ASIC2: variants seen among roughly 807,000 people sequenced by gnomAD.
The protein encoded by ASIC2 is acid-sensing ion channel 2.
A neutral mutation model predicts 57.3 loss-of-function variants in ASIC2; 25 were observed. The observed-to-expected ratio is 0.44, with a 90% confidence interval of 0.32 to 0.61. The LOEUF is 0.61. Among genes scored for constraint, ASIC2 ranks in the 20% least tolerant of loss-of-function variants. The pLI is 0.06. For synonymous variants in ASIC2, 319 were observed against 307.5 expected, an observed-to-expected ratio of 1.04 and a Z score of -0.39; for missense variants, 641 against 738.1, an observed-to-expected ratio of 0.87 and a Z score of 1.52.
At chr17:33,611,790 C>T (rs1444107479) in intron 1 of ASIC2, among the ~76,000 whole-genome samples, 4 of 152,226 alleles carry the variant, frequency 2.6e-5, no homozygotes, top group East Asian at 3.9e-4. Context: ...CCAAGGCCAA[C>T]TCAATGGGGT....
chr17:33,220,839 G>A (rs1394777152), intron 1 of ASIC2, among the ~76,000 whole-genome samples: 2 of 152,198 alleles, frequency 1.3e-5, no homozygotes, highest in East Asian at 3.9e-4. Context: ...GGGCCGAGGC[G>A]GGAAAATTGC....
intron 1 of ASIC2, among the ~76,000 whole-genome samples, chr17:33,526,109 G>A (rs1383493383): frequency 6.6e-6 from 1 of 152,196 alleles, no homozygotes; most frequent in Non-Finnish European, 1.5e-5. Flanking sequence ...TGAGCCCTAA[G>A]ATGACAGGAA....
chr17:33,997,847 G>T (rs1220792296), intron 1 of ASIC2, among the ~76,000 whole-genome samples: 1 of 151,916 alleles, frequency 6.6e-6, no homozygotes, highest in African/African-American at 2.4e-5. Flanking sequence ...TTTCTGTAGT[G>T]TTCTTGTTTG....
At chr17:33,397,367 G>T (rs911416941) in intron 1 of ASIC2, among the ~76,000 whole-genome samples, 16 of 152,158 alleles carry the variant, frequency 1.1e-4, no homozygotes, top group African/African-American at 3.6e-4. Flanking sequence ...CCATTTCTTT[G>T]TCTGTCTTAG....
intron 1 of ASIC2, among the ~76,000 whole-genome samples, chr17:33,319,105 C>T (rs1011281477): frequency 5.3e-5 from 8 of 152,222 alleles, no homozygotes; most frequent in African/African-American, 1.9e-4. Context: ...TGGCACATGC[C>T]TGTAGTCCCA....
chr17:34,026,914 C>G (rs1907398756), intron 1 of ASIC2, among the ~76,000 whole-genome samples: 1 of 152,170 alleles, frequency 6.6e-6, no homozygotes, highest in South Asian at 2.1e-4. Flanking sequence ...TTCAGCAACT[C>G]CTTTCTTTCT....
intron 1 of ASIC2, among the ~76,000 whole-genome samples, chr17:34,140,376 T>G (rs949936404): frequency 1.3e-5 from 2 of 152,196 alleles, no homozygotes; most frequent in African/African-American, 4.8e-5. Context: ...TGGTTTGAGA[T>G]GTACGTGTAA....
intron 1 of ASIC2, among the ~76,000 whole-genome samples, chr17:33,584,955 G>A (rs550295278): frequency 2.0e-5 from 3 of 152,236 alleles, no homozygotes; most frequent in South Asian, 4.1e-4. Context: ...GTCAGAGAAG[G>A]AGCAGACAGA....
chr17:33,606,417 G>A (rs1383117332), intron 1 of ASIC2, among the ~76,000 whole-genome samples: 1 of 152,154 alleles, frequency 6.6e-6, no homozygotes, highest in Admixed American at 6.5e-5. Context: ...ACCTTTCCAG[G>A]TGTGAAGCTT....
chr17:34,138,173 T>C (rs1271305927), intron 1 of ASIC2, among the ~76,000 whole-genome samples: 5 of 152,088 alleles, frequency 3.3e-5, no homozygotes, highest in African/African-American at 4.8e-5. Flanking sequence ...ACCTTGTCAA[T>C]TGCCTTCATC....
chr17:33,260,757 C>T (rs574331518), intron 1 of ASIC2, among the ~76,000 whole-genome samples: 42 of 152,296 alleles, frequency 2.8e-4, no homozygotes, highest in African/African-American at 1.0e-3. Context: ...GGACAGCCCC[C>T]GTCCCTTCCC....
intron 1 of ASIC2, among the ~76,000 whole-genome samples, chr17:33,873,240 C>T (rs981757336): frequency 6.6e-6 from 1 of 152,190 alleles, no homozygotes; most frequent in Non-Finnish European, 1.5e-5. Flanking sequence ...TAAGGATTAT[C>T]CCCCTTCCCA....
At chr17:33,076,687 T>C (rs1461849356) in intron 3 of ASIC2, among the ~76,000 whole-genome samples, 2 of 152,220 alleles carry the variant, frequency 1.3e-5, no homozygotes, top group African/African-American at 4.8e-5. Context: ...TATGTATTGT[T>C]CCGCAATTTG....
At chr17:33,177,160 G>A (rs1005898090) in intron 1 of ASIC2, among the ~76,000 whole-genome samples, 2 of 152,278 alleles carry the variant, frequency 1.3e-5, no homozygotes, top group East Asian at 3.9e-4. Flanking sequence ...AAGTCTTGGG[G>A]GAAGGGAAGT....
intron 3 of ASIC2, among the ~76,000 whole-genome samples, chr17:33,041,277 A>G (rs569728957): frequency 1.3e-5 from 2 of 152,312 alleles, no homozygotes; most frequent in South Asian, 2.1e-4. Context: ...GACAATAGAC[A>G]TGGATGCACC....
At chr17:33,174,456 T>C (rs1235340724) in intron 1 of ASIC2, among the ~76,000 whole-genome samples, 1 of 151,854 alleles carries the variant, frequency 6.6e-6, no homozygotes, top group East Asian at 1.9e-4. Flanking sequence ...ATCCATCCAT[T>C]CATTCATTCA....
intron 1 of ASIC2, among the ~76,000 whole-genome samples, chr17:33,895,711 CTGGTAGGG>C: frequency 6.6e-6 from 1 of 152,174 alleles, no homozygotes; most frequent in Non-Finnish European, 1.5e-5. Flanking sequence ...TGAGTTGATC[CTGGTAGGG>C]AATCTTCTCT....
intron 1 of ASIC2, among the ~76,000 whole-genome samples, chr17:33,396,232 T>C (rs1391997467): frequency 6.6e-6 from 1 of 152,180 alleles, no homozygotes; most frequent in Non-Finnish European, 1.5e-5. Flanking sequence ...GGATACTCAG[T>C]CCAAGTTCTC....
intron 1 of ASIC2, among the ~76,000 whole-genome samples, chr17:33,799,446 C>CT (rs768289358): frequency 3.9e-5 from 3 of 77,680 alleles, no homozygotes; most frequent in Non-Finnish European, 8.6e-5. Flanking sequence ...TTCTTTCTTT[C>CT]TTTCTTTCTT....
Sources: allele counts gnomAD v4.1 joint callset (sites outside exome capture counted in the v4.1 genomes callset), GRCh38; gene constraint gnomAD v4.1.1; transcripts MANE v1.5; gene names NCBI Gene and HGNC (gene_info 2026-07-23, HGNC 2026-07-21).